NIPBL: variants seen among roughly 807,000 people sequenced by gnomAD.
NIPBL encodes the protein NIPBL cohesin loading factor.
Under a neutral mutation model 321.8 loss-of-function variants are expected in NIPBL, and 19 were observed. That is an observed-to-expected ratio of 0.06 (90% CI 0.04 to 0.09). The LOEUF is 0.09. Ranked by LOEUF, NIPBL falls within the 10% of genes least tolerant of loss-of-function variation. The pLI is 1.00. For missense variants in NIPBL, 2,210 were observed against 3,327.0 expected (o/e 0.66, Z 8.26); for synonymous variants, 1,106 against 1,114.1 (o/e 0.99, Z 0.14).
intron 1 of NIPBL, among the ~76,000 whole-genome samples, chr5:36,878,562 G>T (rs1745269950): frequency 6.6e-6 from 1 of 152,190 alleles, no homozygotes; most frequent in South Asian, 2.1e-4. Context: ...ACTGCTCAGC[G>T]AAATCCCTTG....
At chr5:36,961,971 A>T (rs1004942671) in intron 5 of NIPBL, 152 bp from the exon 6 acceptor site, 1 of 869,614 alleles carries the variant, frequency 1.1e-6, no homozygotes, top group Non-Finnish European at 1.8e-6. Context: ...CAATTTTTGT[A>T]TGTTATTTGA....
intron 1 of NIPBL, among the ~76,000 whole-genome samples, chr5:36,939,522 T>A (rs919410733): frequency 2.0e-5 from 3 of 152,350 alleles, no homozygotes; most frequent in South Asian, 2.1e-4. Flanking sequence ...GGCTCTACCA[T>A]CGTTGGTTTA....
chr5:37,032,775 A>G (rs1194981698), intron 32 of NIPBL, among the ~76,000 whole-genome samples: 1 of 152,102 alleles, frequency 6.6e-6, no homozygotes, highest in Non-Finnish European at 1.5e-5. Flanking sequence ...ACTCTATCTC[A>G]CTCACCAAAA....
Position 37,019,299 on chromosome 5 carries a change from T to C in NIPBL, c.4921-12T>C, listed in dbSNP as rs540078271. 958 of 1,573,012 alleles carry C rather than the reference T, an allele frequency of 6.1e-4. 20 individuals carry two copies. In the South Asian group the frequency reaches 0.01, roughly 17 times the overall value. On this transcript the variant is annotated splice_polypyrimidine_tract_variant and intron_variant, in intron 24 of 46. Coordinates refer to ENST00000282516, the MANE Select transcript of NIPBL (RefSeq NM_133433.4). Reference sequence around the variant, plus strand: ...TAATATCTTTTTTGTTCTTATTTGGTTTATTCTATAGGTTTCAGGAGGGGA... The same window carrying C: ...TAATATCTTTTTTGTTCTTATTTGGCTTATTCTATAGGTTTCAGGAGGGGA...
intron 1 of NIPBL, among the ~76,000 whole-genome samples, chr5:36,896,032 C>G (rs1261519312): frequency 6.6e-6 from 1 of 151,962 alleles, no homozygotes; most frequent in Non-Finnish European, 1.5e-5. Context: ...AATCCAAGGA[C>G]AGGAAAAGTT....
chr5:36,979,798 T>G (rs1419714048), intron 9 of NIPBL, among the ~76,000 whole-genome samples: 1 of 151,750 alleles, frequency 6.6e-6, no homozygotes, highest in Non-Finnish European at 1.5e-5. Context: ...ACTCAGCTTT[T>G]CTTATTAACC....
chr5:37,009,071 C>T (rs1747779978), intron 20 of NIPBL, among the ~76,000 whole-genome samples: 1 of 152,196 alleles, frequency 6.6e-6, no homozygotes, highest in Non-Finnish European at 1.5e-5. Context: ...GACACCCTTC[C>T]TCCTTCCAGT....
In NIPBL at chr5:37,044,216, C is replaced by CT. The variant is rs1303467595; in HGVS notation, c.6109-130dup. Reference sequence around the variant, plus strand: ...CCTTCCATACCTTGAAAAAAAAACTCTAACAGACTTTTTTTTTTAACTGGA... The same window carrying CT: ...CCTTCCATACCTTGAAAAAAAAACTCTTAACAGACTTTTTTTTTTAACTGGA... On this transcript the variant is annotated intron_variant, in intron 34 of 46. Transcript: ENST00000282516. 6 of 799,758 alleles carry CT rather than the reference C, an allele frequency of 7.5e-6. No individual in the cohort carries two copies. The East Asian group carries it at 8.3e-5, about 11-fold the overall frequency. The allele number at this position is 799,758 out of a possible 1,614,324, so 49.5% of individuals were successfully genotyped here.
At chr5:37,043,457 G>C (rs1752660121) in intron 34 of NIPBL, among the ~76,000 whole-genome samples, 1 of 151,928 alleles carries the variant, frequency 6.6e-6, no homozygotes, top group South Asian at 2.1e-4. Context: ...AACCCGGGAG[G>C]CAGAGGTTGC....
At chr5:36,882,982 G>T (rs923134454) in intron 1 of NIPBL, among the ~76,000 whole-genome samples, 2 of 151,416 alleles carry the variant, frequency 1.3e-5, no homozygotes, top group Admixed American at 6.6e-5. Context: ...ATTTTTAAAT[G>T]CAGGTACTGT....
chr5:37,061,507 G>C (rs1245297987), intron 45 of NIPBL, among the ~76,000 whole-genome samples: 2 of 152,006 alleles, frequency 1.3e-5, no homozygotes, highest in African/African-American at 4.8e-5. Context: ...GCAAATCCCC[G>C]TATCTATAAA....
intron 1 of NIPBL, among the ~76,000 whole-genome samples, chr5:36,940,244 G>T (rs1738911325): frequency 6.6e-6 from 1 of 152,068 alleles, no homozygotes; most frequent in African/African-American, 2.4e-5. Context: ...AGAGAGAAAT[G>T]GATTCAAAAC....
At position 37,045,406 on chromosome 5, in the gene NIPBL, A is replaced by G. The variant is rs369610139; in HGVS notation, c.6344-37A>G. 124 of 1,463,508 alleles carry G rather than the reference A, an allele frequency of 8.5e-5. No homozygotes were observed. In the African/African-American group the frequency reaches 1.3e-3, roughly 15 times the overall value. The allele number at this position is 1,463,508 out of a possible 1,614,324, so 90.7% of individuals were successfully genotyped here. A position where few individuals can be genotyped will look rare whatever the true frequency, so the allele number is the denominator to read the frequency against. ...ATTACTTGAACTTAGTAATTCAAAG[A>G]TAAATATTATAAGTAAATATTACTT... On this transcript the variant is annotated intron_variant, in intron 36 of 46. Coordinates refer to ENST00000282516, the MANE Select transcript of NIPBL (RefSeq NM_133433.4).
chr5:37,017,308 A>C, intron 24 of NIPBL, 146 bp downstream of exon 24: 1 of 709,890 alleles, frequency 1.4e-6, no homozygotes, highest in South Asian at 2.0e-5. Flanking sequence ...CCCAGTGAGA[A>C]ATTTTAAGAC....
At chr5:37,055,589 T>C (rs1421284436) in intron 42 of NIPBL, among the ~76,000 whole-genome samples, 1 of 151,932 alleles carries the variant, frequency 6.6e-6, no homozygotes, top group African/African-American at 2.4e-5. Flanking sequence ...GAAGAAGATT[T>C]CATGAAGGAA....
At position 36,877,102 on chromosome 5, in the gene NIPBL, C is replaced by A. The variant is rs911655497; in HGVS notation, c.-156C>A. 6 of 352,458 alleles carry A rather than the reference C, an allele frequency of 1.7e-5. No individual in the cohort carries two copies. Among genetic ancestry groups the A allele is most frequent in the Middle Eastern group, 7.3e-4 (1 of 1,372 alleles). The allele number at this position is 352,458 out of a possible 1,614,324, so 21.8% of individuals were successfully genotyped here. The stretch of plus-strand genomic sequence containing the variant: ...GACGGAAGAGGAGCCGTAGCCACCC[C>A]CCCTCCCGGCCCGGATTATAGTCTC... On this transcript the variant is annotated 5_prime_UTR_variant, in exon 1 of 47. Transcript: ENST00000282516.
chr5:37,038,902 CATAA>C (rs1469004697), intron 34 of NIPBL, among the ~76,000 whole-genome samples, 164 bp downstream of exon 34: 3 of 152,146 alleles, frequency 2.0e-5, no homozygotes, highest in Non-Finnish European at 2.9e-5. Flanking sequence ...TCAAGTCTGA[CATAA>C]ATAAAGTTCA....
At chr5:36,936,566 G>C (rs189090686) in intron 1 of NIPBL, among the ~76,000 whole-genome samples, 1 of 152,198 alleles carries the variant, frequency 6.6e-6, no homozygotes, top group East Asian at 1.9e-4. Flanking sequence ...TTCTCAGAAC[G>C]TTTGTCCCTG....
chr5:36,962,705 A>G (rs1163377497), intron 6 of NIPBL, among the ~76,000 whole-genome samples: 1 of 152,212 alleles, frequency 6.6e-6, no homozygotes, highest in Admixed American at 6.5e-5. Context: ...ATTTGGAAAA[A>G]AAATTGAGTC....
Sources: gnomAD v4.1 joint callset for allele counts (sites outside exome capture counted in the v4.1 genomes callset) on GRCh38, gnomAD v4.1.1 for gene constraint, MANE v1.5 for transcripts, NCBI Gene and HGNC (gene_info 2026-07-23, HGNC 2026-07-21) for gene names.